CFAP61: variants seen among roughly 807,000 people sequenced by gnomAD.
CFAP61 encodes cilia- and flagella-associated protein 61.
Under a neutral mutation model 135.6 loss-of-function variants are expected in CFAP61, and 107 were observed. The observed-to-expected ratio is 0.79, with a 90% CI of 0.67 to 0.93. The LOEUF (loss-of-function observed/expected upper bound fraction) is 0.93, where lower values mean the gene tolerates loss of function less well. Ranked by LOEUF, CFAP61 falls within the 40% of genes least tolerant of loss-of-function variation. The pLI is 0.00. For missense variants in CFAP61, 1,507 were observed against 1,556.2 expected (o/e 0.97, Z 0.53); for synonymous variants, 575 against 578.5 (o/e 0.99, Z 0.09).
At chr20:20,124,614 T>C (rs1600797137) in intron 8 of CFAP61, among the ~76,000 whole-genome samples, 2 of 152,034 alleles carry the variant, frequency 1.3e-5, no homozygotes, top group East Asian at 3.9e-4. Context: ...GGATTATCTT[T>C]TTCATATGTT....
chr20:20,177,943 T>A (rs548765600), intron 13 of CFAP61, among the ~76,000 whole-genome samples: 35 of 152,108 alleles, frequency 2.3e-4, no homozygotes, highest in Non-Finnish European at 4.6e-4. Context: ...ATCATGTTCT[T>A]CTATTTTTTG....
chr20:20,334,656 C>T (rs1353421645), intron 25 of CFAP61, among the ~76,000 whole-genome samples: 15 of 152,200 alleles, frequency 9.9e-5, no homozygotes, highest in Admixed American at 8.5e-4. Flanking sequence ...AATTATATTT[C>T]GAGGCTGCTG....
At chr20:20,289,146 C>T (rs1256264111) in intron 23 of CFAP61, among the ~76,000 whole-genome samples, 1 of 152,164 alleles carries the variant, frequency 6.6e-6, no homozygotes, top group East Asian at 1.9e-4. Context: ...TGCATTTGAG[C>T]ATTTACTATG....
intron 2 of CFAP61, among the ~76,000 whole-genome samples, chr20:20,068,766 G>A (rs933757971): frequency 1.7e-4 from 26 of 152,242 alleles, no homozygotes; most frequent in Admixed American, 7.2e-4. Context: ...TTTCTTTTGA[G>A]ACGGAGTCTT....
chr20:20,189,192 C>T (rs374017088), intron 14 of CFAP61, among the ~76,000 whole-genome samples: 1 of 152,172 alleles, frequency 6.6e-6, no homozygotes, highest in East Asian at 1.9e-4. Flanking sequence ...GTCATATACA[C>T]AAATGTTTAC....
Position 20,151,722 on chromosome 20 carries a change from C to T in CFAP61, c.952-7648C>T, listed in dbSNP as rs182197271. 5.3e-4 allele frequency among the ~76,000 whole-genome samples: 78 copies of T among 146,920 alleles called. 1 individual carries two copies. The highest frequency in any genetic ancestry group is 2.8e-4 in the Admixed American group (4 of 14,350). ...GTGGGCACCTGTAGTCCCAGTTACT[C>T]GGGAGGCCGTGGTGGGAGAATGGCG... On this transcript the variant is annotated intron_variant, in intron 9 of 26. Transcript: ENST00000245957.
At chr20:20,117,902 G>A (rs1267707780) in intron 8 of CFAP61, among the ~76,000 whole-genome samples, 2 of 152,040 alleles carry the variant, frequency 1.3e-5, no homozygotes, top group African/African-American at 4.8e-5. Context: ...TTTACTGTTG[G>A]TGATAAAATA....
intron 25 of CFAP61, among the ~76,000 whole-genome samples, chr20:20,327,917 A>G (rs2057826113): frequency 6.6e-6 from 1 of 151,624 alleles, no homozygotes; most frequent in African/African-American, 2.4e-5. Context: ...CTGGGTGATC[A>G]CTCATAATGA....
chr20:20,200,821 C>A, intron 17 of CFAP61: 1 of 985,450 alleles, frequency 1.0e-6, no homozygotes, highest in African/African-American at 1.7e-5. Flanking sequence ...GACCCAGAGC[C>A]TGTCTTACTT....
chr20:20,245,594 A>G (rs1450019524), intron 18 of CFAP61, among the ~76,000 whole-genome samples: 2 of 152,220 alleles, frequency 1.3e-5, no homozygotes, highest in Admixed American at 1.3e-4. Flanking sequence ...GTGGGGACAC[A>G]GAGCCAAACT....
intron 2 of CFAP61, among the ~76,000 whole-genome samples, chr20:20,064,223 T>C (rs990072930): frequency 1.3e-5 from 2 of 152,178 alleles, no homozygotes; most frequent in African/African-American, 4.8e-5. Context: ...ATAACTTTTG[T>C]AGTTTGAAGT....
chr20:20,183,837 G>C (rs1489714767), intron 13 of CFAP61, among the ~76,000 whole-genome samples: 4 of 152,182 alleles, frequency 2.6e-5, no homozygotes, highest in African/African-American at 9.6e-5. Context: ...GTACTGGACA[G>C]TGTCATTTTA....
intron 25 of CFAP61, among the ~76,000 whole-genome samples, chr20:20,311,330 A>G (rs931886182): frequency 1.3e-5 from 2 of 152,194 alleles, no homozygotes; most frequent in African/African-American, 4.8e-5. Context: ...CTTTTTTCAA[A>G]TTTTGGGAGG....
chr20:20,200,841 C>A, intron 17 of CFAP61: 3 of 985,440 alleles, frequency 3.0e-6, no homozygotes, highest in Non-Finnish European at 3.6e-6. Context: ...TGTGCGTGCA[C>A]TGAGGGATGG....
At chr20:20,127,450 TG>T in intron 8 of CFAP61, among the ~76,000 whole-genome samples, 1 of 151,882 alleles carries the variant, frequency 6.6e-6, no homozygotes, top group South Asian at 2.1e-4. Flanking sequence ...CCTATGGATG[TG>T]GCTTCCTGTG....
chr20:20,357,233 C>G (rs1371157156), intron 26 of CFAP61, among the ~76,000 whole-genome samples: 3 of 54,714 alleles, frequency 5.5e-5, no homozygotes, highest in African/African-American at 8.4e-5. Context: ...GGGGGTCATA[C>G]TGCGAGTGGA....
At chr20:20,112,789 G>A (rs938258651) in intron 8 of CFAP61, among the ~76,000 whole-genome samples, 4 of 152,172 alleles carry the variant, frequency 2.6e-5, no homozygotes, top group African/African-American at 9.7e-5. Context: ...TTAAAGCCAT[G>A]CATCTTCCAC....
At chr20:20,252,500 G>A (rs2051016954) in intron 20 of CFAP61, among the ~76,000 whole-genome samples, 1 of 152,156 alleles carries the variant, frequency 6.6e-6, no homozygotes, top group Non-Finnish European at 1.5e-5. Flanking sequence ...GGCTTTGAAT[G>A]TGGCTCAACA....
chr20:20,094,570 T>C (rs1490150013), intron 7 of CFAP61: 1 of 152,298 alleles, frequency 6.6e-6, no homozygotes, highest in African/African-American at 2.4e-5. Context: ...TCTCTTGCCG[T>C]ATGTTTCACA....
Sources: allele counts gnomAD v4.1 joint callset (sites outside exome capture counted in the v4.1 genomes callset), GRCh38; gene constraint gnomAD v4.1.1; transcripts MANE v1.5; gene names NCBI Gene and HGNC (gene_info 2026-07-23, HGNC 2026-07-21).